DAB1: variants seen among roughly 807,000 people sequenced by gnomAD.
The protein encoded by DAB1 is DAB adaptor protein 1.
DAB1 carries 15 observed loss-of-function variants against 64.6 expected under a neutral mutation model. The ratio of observed to expected loss-of-function variants is 0.23; its 90% CI spans 0.16 to 0.36. DAB1 has a LOEUF of 0.36. DAB1 is among the 10% of genes least tolerant of loss of function. DAB1 has a pLI of 1.00. For missense variants in DAB1, 596 were observed against 706.7 expected, an observed-to-expected ratio of 0.84 and a Z score of 1.78; for synonymous variants, 235 against 251.9, an observed-to-expected ratio of 0.93 and a Z score of 0.64.
At chr1:57,997,018 A>C (rs911543558) in intron 5 of DAB1, among the ~76,000 whole-genome samples, 1 of 152,068 alleles carries the variant, frequency 6.6e-6, no homozygotes, top group Non-Finnish European at 1.5e-5. Context: ...ATGGTCAGGT[A>C]GTTGTTAAAC....
At position 58,502,657 on chromosome 1, in the gene DAB1, T is replaced by C. The variant is rs184556008; in HGVS notation, n.257+3403A>G. 8.5e-5 allele frequency among the ~76,000 whole-genome samples: 13 copies of C among 152,354 alleles called. No individual in the cohort carries two copies. The East Asian group carries it at 2.5e-3, about 29-fold the overall frequency. ...GTATACAGACTCACATAATTCTATA[T>C]ACTGCCTGAGAAACTGCCTTCTTTC... On this transcript the variant is annotated intron_variant and non_coding_transcript_variant, in intron 3 of 20. Coordinates refer to the DAB1 transcript ENST00000485760.
At chr1:57,788,472 G>C (rs1025226161) in intron 6 of DAB1, among the ~76,000 whole-genome samples, 2 of 152,194 alleles carry the variant, frequency 1.3e-5, no homozygotes, top group Non-Finnish European at 2.9e-5. Flanking sequence ...TTCTACAAAA[G>C]GCAAAACTGT....
chr1:57,286,205 C>T (rs1672303508), intron 2 of DAB1, among the ~76,000 whole-genome samples: 1 of 152,156 alleles, frequency 6.6e-6, no homozygotes. Flanking sequence ...TTGCTTTCAA[C>T]AGCCTGGGTT....
intron 5 of DAB1, among the ~76,000 whole-genome samples, chr1:57,952,452 G>A (rs927914635): frequency 1.3e-5 from 2 of 152,068 alleles, no homozygotes; most frequent in African/African-American, 2.4e-5. Context: ...AACTAAACCA[G>A]TATCTTCACT....
At chr1:57,706,308 T>G (rs1646966670) in intron 6 of DAB1, among the ~76,000 whole-genome samples, 1 of 151,942 alleles carries the variant, frequency 6.6e-6, no homozygotes, top group African/African-American at 2.4e-5. Flanking sequence ...CTTCCTTTTC[T>G]CTTTCTTTTC....
At chr1:57,485,154 A>G (rs940706999) in intron 7 of DAB1, among the ~76,000 whole-genome samples, 4 of 152,318 alleles carry the variant, frequency 2.6e-5, no homozygotes, top group African/African-American at 9.6e-5. Context: ...CCTTCTTCCC[A>G]TGCTGCATAG....
chr1:57,675,432 T>C (rs1646554855), intron 6 of DAB1, among the ~76,000 whole-genome samples: 1 of 152,176 alleles, frequency 6.6e-6, no homozygotes, highest in African/African-American at 2.4e-5. Context: ...AGGGCTTCCC[T>C]GGTACATTAG....
intron 1 of DAB1, among the ~76,000 whole-genome samples, chr1:57,853,994 A>C (rs1323061361): frequency 2.6e-5 from 4 of 152,192 alleles, no homozygotes. Flanking sequence ...TTATTAATTC[A>C]TCATTCAACA....
At chr1:58,108,509 T>G (rs1463597099) in intron 5 of DAB1, among the ~76,000 whole-genome samples, 1 of 152,146 alleles carries the variant, frequency 6.6e-6, no homozygotes, top group African/African-American at 2.4e-5. Context: ...GAAAACAACT[T>G]GATGATGGTG....
At chr1:58,199,610 C>T (rs4912183) in intron 4 of DAB1, among the ~76,000 whole-genome samples, 68,587 of 151,952 alleles carry the variant, frequency 0.45, 19,091 homozygotes, top group Non-Finnish European at 0.64. Flanking sequence ...TACTATAATG[C>T]TACTACTAGT....
At chr1:57,273,688 T>C (rs1570127230) in intron 2 of DAB1, among the ~76,000 whole-genome samples, 1 of 140,644 alleles carries the variant, frequency 7.1e-6, no homozygotes. Flanking sequence ...TGTGGTCTGA[T>C]GGCTCCCCTA....
At chr1:58,193,754 G>A (rs1189500810) in intron 4 of DAB1, among the ~76,000 whole-genome samples, 1 of 152,102 alleles carries the variant, frequency 6.6e-6, no homozygotes, top group East Asian at 1.9e-4. Flanking sequence ...TGCTCGGGAG[G>A]CTGAGGCAGG....
intron 6 of DAB1, among the ~76,000 whole-genome samples, chr1:57,760,223 C>T (rs1217864409): frequency 6.6e-6 from 1 of 152,076 alleles, no homozygotes; most frequent in South Asian, 2.1e-4. Flanking sequence ...TGCTAATAAG[C>T]CACATTATGC....
intron 7 of DAB1, among the ~76,000 whole-genome samples, chr1:57,473,917 C>T (rs866069502): frequency 2.6e-4 from 40 of 152,000 alleles, no homozygotes; most frequent in Admixed American, 1.0e-3. Flanking sequence ...ATAGCGGAGA[C>T]ACAAAAACAC....
intron 4 of DAB1, among the ~76,000 whole-genome samples, chr1:58,262,348 T>G (rs1661064744): frequency 1.3e-5 from 2 of 152,104 alleles, no homozygotes; most frequent in Non-Finnish European, 2.9e-5. Context: ...TGATCCTCCC[T>G]CCTCCAACAA....
chr1:57,872,190 T>C (rs1232148363), intron 1 of DAB1, among the ~76,000 whole-genome samples: 3 of 152,226 alleles, frequency 2.0e-5, no homozygotes, highest in African/African-American at 4.8e-5. Flanking sequence ...ACTCTTATGA[T>C]CTGAATGTAT....
chr1:57,020,464 T>C (rs780473302), intron 11 of DAB1, among the ~76,000 whole-genome samples: 18 of 152,334 alleles, frequency 1.2e-4, no homozygotes, highest in Non-Finnish European at 2.1e-4. Flanking sequence ...AAGATATTTA[T>C]CTGAGTATGG....
chr1:57,030,798 C>T (rs1411835257), intron 9 of DAB1, among the ~76,000 whole-genome samples: 1 of 152,200 alleles, frequency 6.6e-6, no homozygotes, highest in Non-Finnish European at 1.5e-5. Context: ...TGAAGCTATG[C>T]TAGTCTTTTA....
At chr1:57,992,102 A>C (rs914253000) in intron 5 of DAB1, among the ~76,000 whole-genome samples, 2 of 152,156 alleles carry the variant, frequency 1.3e-5, no homozygotes, top group Non-Finnish European at 2.9e-5. Context: ...CTAATACAAT[A>C]ATGTTGGGTG....
Sources: gnomAD v4.1 joint callset for allele counts (sites outside exome capture counted in the v4.1 genomes callset) on GRCh38, gnomAD v4.1.1 for gene constraint, MANE v1.5 for transcripts, NCBI Gene and HGNC (gene_info 2026-07-23, HGNC 2026-07-21) for gene names.